The following STARD13 variants were observed in gnomAD, a reference collection of about 807,000 sequenced individuals.
The protein encoded by STARD13 is stAR-related lipid transfer protein 13.
STARD13 carries 62 observed loss-of-function variants against 106.4 expected under a neutral mutation model. The observed-to-expected ratio is 0.58, with a 90% CI of 0.48 to 0.72. The LOEUF (loss-of-function observed/expected upper bound fraction) is 0.72. Ranked by LOEUF, STARD13 falls within the 30% of genes least tolerant of loss-of-function variation. The pLI, the probability that STARD13 is intolerant of heterozygous loss-of-function variation, is 0.00. For missense variants in STARD13, 1,387 were observed against 1,424.0 expected (o/e 0.97, Z 0.42); for synonymous variants, 565 against 553.0 (o/e 1.02, Z -0.31).
chr13:33,633,516 C>G, the STARD13 span, among the ~76,000 whole-genome samples: 1 of 152,182 alleles, frequency 6.6e-6, no homozygotes, highest in Non-Finnish European at 1.5e-5. Flanking sequence ...CGCTAAATGT[C>G]CTTCACAGAT....
chr13:33,288,389 G>C (rs1025249167), upstream of STARD13, among the ~76,000 whole-genome samples: 6 of 151,664 alleles, frequency 4.0e-5, no homozygotes, highest in Non-Finnish European at 7.4e-5. Flanking sequence ...TCTTGCCTCA[G>C]CCTCCCAAGT....
chr13:33,625,796 G>A, the STARD13 span, among the ~76,000 whole-genome samples: 1 of 151,674 alleles, frequency 6.6e-6, no homozygotes, highest in African/African-American at 2.4e-5. Flanking sequence ...CCACCTCCCA[G>A]GTTCAAGCGA....
chr13:33,370,949 A>C, the STARD13 span, among the ~76,000 whole-genome samples: 1 of 151,898 alleles, frequency 6.6e-6, no homozygotes, highest in African/African-American at 2.4e-5. Flanking sequence ...TAAGTATAGA[A>C]ATAATAATTT....
chr13:33,312,733 T>A (rs2138504992), intron 1 of STARD13, among the ~76,000 whole-genome samples: 1 of 152,306 alleles, frequency 6.6e-6, no homozygotes, highest in African/African-American at 2.4e-5. Flanking sequence ...CCTTTGCAAA[T>A]CAAAACAAAC....
At chr13:33,478,122 A>T in the STARD13 span, among the ~76,000 whole-genome samples, 94 of 152,006 alleles carry the variant, frequency 6.2e-4, 2 homozygotes, top group Non-Finnish European at 1.6e-4. Context: ...TCCTTTTTCC[A>T]CTATGTAAAC....
At chr13:33,558,186 T>C in the STARD13 span, among the ~76,000 whole-genome samples, 2 of 152,222 alleles carry the variant, frequency 1.3e-5, no homozygotes, top group African/African-American at 2.4e-5. Flanking sequence ...TCACTCATAA[T>C]CTTTCTTTCC....
At chr13:33,205,994 T>A (rs1157895206) in intron 1 of STARD13, 1 of 985,326 alleles carries the variant, frequency 1.0e-6, no homozygotes, top group Non-Finnish European at 1.2e-6. Context: ...TGTGCTTGGC[T>A]GTTGTCTGTG....
intron 1 of STARD13, among the ~76,000 whole-genome samples, chr13:33,230,855 C>T (rs1033510853): frequency 2.6e-5 from 4 of 152,246 alleles, no homozygotes; most frequent in African/African-American, 9.6e-5. Context: ...AGAACCATAA[C>T]TGCAAGATGC....
chr13:33,325,437 G>A (rs2138541300), intron 1 of STARD13, among the ~76,000 whole-genome samples: 1 of 152,226 alleles, frequency 6.6e-6, no homozygotes. Flanking sequence ...AATTCAAAAT[G>A]AACATAAAGT....
the STARD13 span, among the ~76,000 whole-genome samples, chr13:33,402,009 A>G: frequency 6.6e-6 from 1 of 152,268 alleles, no homozygotes; most frequent in Non-Finnish European, 1.5e-5. Flanking sequence ...TGTGAATAAA[A>G]GCATTAAACT....
rs73459232 is a variant in STARD13, at chr13:33,192,114, T to A, written c.170-24492A>T. On this transcript the variant is annotated intron_variant, in intron 1 of 13. Coordinates refer to ENST00000336934, the MANE Select transcript of STARD13 (RefSeq NM_178006.4). ...ACCCGGTGTTAGGCACACAGTGGCA[T>A]GGTAAAACTTGTTGGCAATTCATGA... Among the ~76,000 whole-genome samples the A allele has an allele frequency of 8.7e-3, 1,318 of 152,354 alleles. 20 individuals are homozygous for A. The highest frequency in any genetic ancestry group is 0.03 in the African/African-American group (1,248 of 41,582).
At chr13:33,215,855 C>A (rs1047421461) in intron 1 of STARD13, among the ~76,000 whole-genome samples, 2 of 152,054 alleles carry the variant, frequency 1.3e-5, no homozygotes, top group African/African-American at 4.8e-5. Context: ...CAAACTCAAA[C>A]AAGTTAGCAA....
chr13:33,247,140 T>C (rs1194783377), intron 1 of STARD13, among the ~76,000 whole-genome samples: 2 of 151,986 alleles, frequency 1.3e-5, no homozygotes, highest in Non-Finnish European at 2.9e-5. Context: ...GAGGTTGCAG[T>C]GAGCCAAGAT....
chr13:33,536,796 C>A, the STARD13 span, among the ~76,000 whole-genome samples: 4 of 152,196 alleles, frequency 2.6e-5, no homozygotes, highest in African/African-American at 7.2e-5. Flanking sequence ...TGTCTGATAA[C>A]AGCCTATACT....
the STARD13 span, among the ~76,000 whole-genome samples, chr13:33,400,122 C>T: frequency 6.6e-6 from 1 of 151,984 alleles, no homozygotes; most frequent in Non-Finnish European, 1.5e-5. Flanking sequence ...TTGACTAACA[C>T]CTCCCTGATT....
chr13:33,357,539 A>G, the STARD13 span, among the ~76,000 whole-genome samples: 1 of 152,214 alleles, frequency 6.6e-6, no homozygotes, highest in African/African-American at 2.4e-5. Context: ...TAACAAGCAC[A>G]TGAGGTCAGC....
chr13:33,407,154 G>A, the STARD13 span, among the ~76,000 whole-genome samples: 1 of 152,180 alleles, frequency 6.6e-6, no homozygotes, highest in African/African-American at 2.4e-5. Flanking sequence ...AATCTGTTAT[G>A]CTCTGGCTAC....
the STARD13 span, among the ~76,000 whole-genome samples, chr13:33,638,626 G>A: frequency 1.3e-5 from 2 of 152,136 alleles, no homozygotes; most frequent in Admixed American, 6.5e-5. Flanking sequence ...TTTCTTTTCA[G>A]ACTTAAAAAG....
chr13:33,125,570 T>C (rs980352821), intron 7 of STARD13, among the ~76,000 whole-genome samples: 1 of 152,204 alleles, frequency 6.6e-6, no homozygotes, highest in African/African-American at 2.4e-5. Context: ...GATACTTTTG[T>C]TCATATTTTA....
Sources: allele counts gnomAD v4.1 joint callset (sites outside exome capture counted in the v4.1 genomes callset), GRCh38; gene constraint gnomAD v4.1.1; transcripts MANE v1.5; gene names NCBI Gene and HGNC (gene_info 2026-07-23, HGNC 2026-07-21).